Variants in FRAS1 observed in about 807,000 individuals in gnomAD.
FRAS1 encodes Fraser extracellular matrix complex subunit 1, also known as extracellular matrix organizing protein FRAS1.
A neutral mutation model predicts 435.2 loss-of-function variants in FRAS1; 290 were observed. The observed-to-expected ratio is 0.67, with a 90% CI of 0.61 to 0.73. The LOEUF is 0.73. FRAS1 is among the 30% of genes least tolerant of loss of function. The pLI is 0.00. For missense variants in FRAS1, 4,860 were observed against 5,001.5 expected, an observed-to-expected ratio of 0.97 and a Z score of 0.85; for synonymous variants, 1,800 against 1,851.0, an observed-to-expected ratio of 0.97 and a Z score of 0.71.
At chr4:78,451,550 G>T (rs1719022590) in intron 45 of FRAS1, among the ~76,000 whole-genome samples, 1 of 152,192 alleles carries the variant, frequency 6.6e-6, no homozygotes, top group Non-Finnish European at 1.5e-5. Flanking sequence ...GTCACTTGGG[G>T]TGATTTTGTT....
intron 30 of FRAS1, 151 bp from the exon 31 acceptor site, chr4:78,407,512 A>G (rs983441215): frequency 5.2e-6 from 3 of 574,608 alleles, no homozygotes; most frequent in East Asian, 3.0e-5. Flanking sequence ...CCATTGAATT[A>G]TGTGTTAACA....
chr4:78,428,279 T>C (rs1734068826), intron 35 of FRAS1, among the ~76,000 whole-genome samples: 1 of 152,198 alleles, frequency 6.6e-6, no homozygotes, highest in Admixed American at 6.5e-5. Context: ...TCCAAACTAA[T>C]GACATTAGAG....
chr4:78,324,708 CTTTTTT>C (rs139942839), intron 18 of FRAS1, among the ~76,000 whole-genome samples: 8 of 88,122 alleles, frequency 9.1e-5, no homozygotes, highest in African/African-American at 2.1e-4. Context: ...GCTCAGATTC[CTTTTTT>C]TTTTTTTTTT....
intron 20 of FRAS1, among the ~76,000 whole-genome samples, chr4:78,360,543 C>T (rs1411558171): frequency 1.3e-5 from 2 of 152,022 alleles, no homozygotes; most frequent in East Asian, 1.9e-4. Context: ...CCATTTTATC[C>T]TGGGAGAAGG....
intron 2 of FRAS1, among the ~76,000 whole-genome samples, chr4:78,123,404 G>C (rs1022142104): frequency 7.2e-5 from 11 of 152,146 alleles, no homozygotes; most frequent in African/African-American, 2.7e-4. Flanking sequence ...TTGACGTCAG[G>C]TAGCAGGATG....
At chr4:78,229,877 T>C (rs1352676723) in intron 2 of FRAS1, among the ~76,000 whole-genome samples, 1 of 152,182 alleles carries the variant, frequency 6.6e-6, no homozygotes, top group Non-Finnish European at 1.5e-5. Flanking sequence ...AGTTGTACCA[T>C]CATGAGTATG....
intron 20 of FRAS1, among the ~76,000 whole-genome samples, chr4:78,349,939 T>C (rs1448797846): frequency 0.043 from 571 of 13,142 alleles, no homozygotes; most frequent in Non-Finnish European, 0.05. Context: ...CATCAACTAA[T>C]GAGCAAAATC....
At chr4:78,411,091 T>A (rs1733314646) in intron 31 of FRAS1, among the ~76,000 whole-genome samples, 1 of 151,706 alleles carries the variant, frequency 6.6e-6, no homozygotes, top group Non-Finnish European at 1.5e-5. Flanking sequence ...GGAAATGCAG[T>A]ATAATGAGTT....
At chr4:78,399,740 A>G (rs1405647187) in intron 29 of FRAS1, among the ~76,000 whole-genome samples, 1 of 152,006 alleles carries the variant, frequency 6.6e-6, no homozygotes, top group Non-Finnish European at 1.5e-5. Flanking sequence ...TGAATTTACC[A>G]TTGGATTTAC....
rs115496853 is a variant in FRAS1, at chr4:78,318,831, C to A, written c.1982C>A (p.Ala661Asp). Residue 661 changes from alanine to aspartate, a missense_variant, in exon 18 of 74, where the codon GCT becomes GAT. Coordinates refer to ENST00000512123, the MANE Select transcript of FRAS1 (RefSeq NM_025074.7). Reference sequence around the variant, plus strand: ...GCAGCCTGTCACTCCTCCTGCCTGGCTTGTATGGGTCCCGCACCCTCTCAC... The same window carrying A: ...GCAGCCTGTCACTCCTCCTGCCTGGATTGTATGGGTCCCGCACCCTCTCAC... Reference protein sequence around the residue: ...VCKACHSSCLACMGPAPSHCT... With the variant: ...VCKACHSSCLDCMGPAPSHCT... 5.7e-6 allele frequency: 9 copies of A among 1,591,890 alleles called. No homozygotes were observed. Among genetic ancestry groups the A allele is most frequent in the Non-Finnish European group, 7.7e-6 (9 of 1,167,378 alleles).
intron 14 of FRAS1, among the ~76,000 whole-genome samples, chr4:78,293,204 A>G (rs1034244553): frequency 1.8e-4 from 28 of 152,202 alleles, no homozygotes; most frequent in African/African-American, 6.5e-4. Flanking sequence ...AATTATTATT[A>G]TCAGTGCTAT....
chr4:78,119,612 C>A (rs1718896244), intron 2 of FRAS1, among the ~76,000 whole-genome samples: 1 of 152,126 alleles, frequency 6.6e-6, no homozygotes, highest in African/African-American at 2.4e-5. Context: ...TAGGTTGATT[C>A]CATAGCTTGG....
rs764563183 is a variant in FRAS1 at position 78,407,665 on chromosome 4, G to C, written c.4132G>C (p.Glu1378Gln). The change falls in exon 31 of 74, where the codon GAG becomes CAG. Residue 1378 changes from glutamate (E) to glutamine (Q), a missense_variant and splice_region_variant. Glu to Gln is a conservative substitution (Grantham distance 29). Coordinates refer to ENST00000512123, the MANE Select transcript of FRAS1 (RefSeq NM_025074.7). ...CTATGTGGCCTGTGCCTTCCTAGGG[G>C]AGGTGGTCCTTCTAGTGAATATGCC... ...KITQDYPQFG[E>Q]VVLLVNMPAD... 4.3e-6 allele frequency: 7 copies of C among 1,610,978 alleles called. No homozygotes were observed. Among genetic ancestry groups the C allele is most frequent in the Non-Finnish European group, 5.9e-6 (7 of 1,178,608 alleles).
At chr4:78,194,000 C>A (rs1223723389) in intron 2 of FRAS1, among the ~76,000 whole-genome samples, 1 of 152,110 alleles carries the variant, frequency 6.6e-6, no homozygotes, top group Non-Finnish European at 1.5e-5. Context: ...TTGCTTGTCT[C>A]TAAAGGATTT....
chr4:78,307,885 G>A (rs1210537968), intron 14 of FRAS1, among the ~76,000 whole-genome samples, 181 bp from the exon 15 acceptor site: 1 of 152,176 alleles, frequency 6.6e-6, no homozygotes, highest in Non-Finnish European at 1.5e-5. Flanking sequence ...CCTCCCCCTA[G>A]AAACGGTTTC....
intron 2 of FRAS1, among the ~76,000 whole-genome samples, chr4:78,211,831 G>A (rs1001502562): frequency 2.6e-5 from 4 of 152,094 alleles, no homozygotes; most frequent in African/African-American, 4.8e-5. Context: ...CAGAATCCCT[G>A]TAACCATTAA....
At chr4:78,230,134 AT>A (rs1312815397) in intron 2 of FRAS1, among the ~76,000 whole-genome samples, 2 of 152,216 alleles carry the variant, frequency 1.3e-5, no homozygotes, top group Non-Finnish European at 2.9e-5. Flanking sequence ...CAGGTTTATC[AT>A]TTTAAGACAG....
intron 67 of FRAS1, among the ~76,000 whole-genome samples, chr4:78,520,138 A>G (rs911909183): frequency 1.3e-5 from 2 of 149,200 alleles, no homozygotes; most frequent in African/African-American, 5.0e-5. Flanking sequence ...TCCACACCTC[A>G]CCCCCACTCA....
chr4:78,431,137 A>AG (rs1734205028), intron 37 of FRAS1, among the ~76,000 whole-genome samples: 1 of 152,188 alleles, frequency 6.6e-6, no homozygotes, highest in South Asian at 2.1e-4. Context: ...TTCCTTTTAG[A>AG]GATGCAGTAA....
Sources: gnomAD v4.1 joint callset for allele counts (sites outside exome capture counted in the v4.1 genomes callset) on GRCh38, gnomAD v4.1.1 for gene constraint, MANE v1.5 for transcripts, NCBI Gene and HGNC (gene_info 2026-07-23, HGNC 2026-07-21) for gene names.